ESF1: variants seen among roughly 807,000 people sequenced by gnomAD.
The protein encoded by ESF1 is ESF1 nucleolar pre-rRNA processing protein.
ESF1 carries 58 observed loss-of-function variants against 92.0 expected under a neutral mutation model. The observed-to-expected ratio is 0.63, with a 90% CI of 0.51 to 0.78. The LOEUF is 0.78. ESF1 is among the 30% of genes least tolerant of loss of function. The pLI, the probability that ESF1 is intolerant of heterozygous loss-of-function variation, is 0.00. For synonymous variants in ESF1, 321 were observed against 313.7 expected (o/e 1.02, Z -0.24); for missense variants, 922 against 989.1 (o/e 0.93, Z 0.91).
At position 13,782,672 on chromosome 20, in the gene ESF1, CCTT is replaced by C. The variant is rs1568732385; in HGVS notation, c.466_468del (p.Lys156del). 6.2e-7 allele frequency: 1 copy of C among 1,602,094 alleles called. No individual in the cohort carries two copies. Among genetic ancestry groups the C allele is most frequent in the Non-Finnish European group, 8.5e-7 (1 of 1,176,308 alleles). ...TTTTTTTGTGTAAATTCTTTGCTAT[CCTT>C]CTTCGGACTTATGTTTGAATCTATC... On this transcript the variant is annotated inframe_deletion, in exon 2 of 14. Coordinates refer to ENST00000617257, the MANE Select transcript of ESF1 (RefSeq NM_001276380.2).
intron 9 of ESF1, among the ~76,000 whole-genome samples, chr20:13,744,493 C>G (rs2147743932): frequency 6.6e-6 from 1 of 152,334 alleles, no homozygotes; most frequent in South Asian, 2.1e-4. Context: ...CCATCTCACA[C>G]AGGGTGAAAG....
intron 11 of ESF1, among the ~76,000 whole-genome samples, chr20:13,725,894 C>T (rs925496859): frequency 2.6e-5 from 4 of 152,176 alleles, no homozygotes; most frequent in South Asian, 2.1e-4. Flanking sequence ...CACAAATGGA[C>T]GTATTTACTT....
chr20:13,748,519 C>T lies in ESF1; in HGVS notation c.1828+11173G>A, dbSNP rs866820327. Among the ~76,000 whole-genome samples, 394 of 134,470 alleles carry T rather than the reference C, an allele frequency of 2.9e-3. 3 individuals are homozygous for T. The highest frequency in any genetic ancestry group is 0.01 in the African/African-American group (361 of 35,408). 88.2% of individuals were successfully genotyped at this position (134,470 alleles called of 152,430 possible). ...ATACATATATACACATATATATACA[C>T]ATATATATATACACATATATATGTG... On this transcript the variant is annotated intron_variant, in intron 9 of 13. Coordinates refer to ENST00000617257, the MANE Select transcript of ESF1 (RefSeq NM_001276380.2).
intron 8 of ESF1, among the ~76,000 whole-genome samples, chr20:13,762,313 T>G (rs541849480): frequency 6.6e-6 from 1 of 152,328 alleles, no homozygotes; most frequent in African/African-American, 2.4e-5. Flanking sequence ...TTCCTGTTTG[T>G]GCTTTGTGCC....
chr20:13,767,014 TTAACAG>T, intron 7 of ESF1, 90 bp from the exon 8 acceptor site: 1 of 1,263,904 alleles, frequency 7.9e-7, no homozygotes, highest in South Asian at 1.5e-5. Context: ...ACCTGGATGT[TTAACAG>T]TAAGTTAAAA....
chr20:13,775,778 T>C, intron 3 of ESF1, 95 bp downstream of exon 3: 1 of 1,406,000 alleles, frequency 7.1e-7, no homozygotes, highest in South Asian at 1.5e-5. Context: ...CTATTACCAA[T>C]AAGCTTTTCC....
chr20:13,730,401 T>G (rs1042866471), intron 10 of ESF1, among the ~76,000 whole-genome samples: 1 of 149,830 alleles, frequency 6.7e-6, no homozygotes, highest in Non-Finnish European at 1.5e-5. Flanking sequence ...TTTTTTTTTT[T>G]GAGACGGAGT....
intron 4 of ESF1, among the ~76,000 whole-genome samples, chr20:13,773,616 G>A (rs1325642042): frequency 2.0e-5 from 3 of 152,080 alleles, no homozygotes; most frequent in Non-Finnish European, 2.9e-5. Flanking sequence ...GTTATCATAT[G>A]AACTCTTTCT....
At chr20:13,729,584 TG>T (rs1171428815) in intron 10 of ESF1, among the ~76,000 whole-genome samples, 4 of 152,216 alleles carry the variant, frequency 2.6e-5, no homozygotes, top group Admixed American at 1.3e-4. Flanking sequence ...CTGAATTACT[TG>T]AAGTAGTGCA....
At chr20:13,775,798 A>G (rs1054398567) in intron 3 of ESF1, 75 bp downstream of exon 3, 1 of 1,489,518 alleles carries the variant, frequency 6.7e-7, no homozygotes, top group African/African-American at 1.4e-5. Flanking sequence ...CCACTTAATG[A>G]CATCAGTTCT....
rs372886464 is a variant in ESF1 at position 13,728,815 on chromosome 20, C to T, written c.1951-350G>A. Among the ~76,000 whole-genome samples the T allele has an allele frequency of 9.3e-5, 14 of 151,180 alleles. No homozygotes were observed. The East Asian group carries it at 2.1e-3, about 23-fold the overall frequency. ...CCAGGAGGAAGAGGTTGTGGTGAGC[C>T]GAGATCGTGCCACTGCACTCCAGCC... is the stretch of plus-strand genomic sequence containing the variant. On this transcript the variant is annotated intron_variant, in intron 10 of 13. Transcript: ENST00000617257.
At chr20:13,735,096 C>T (rs752500513) in intron 9 of ESF1, among the ~76,000 whole-genome samples, 46 of 152,086 alleles carry the variant, frequency 3.0e-4, no homozygotes, top group Non-Finnish European at 6.6e-4. Flanking sequence ...CAGAAGTATG[C>T]AACCCTTTCC....
At position 13,735,854 on chromosome 20, in the gene ESF1, C is replaced by G. The variant is rs144474413; in HGVS notation, c.1829-2012G>C. On this transcript the variant is annotated intron_variant, in intron 9 of 13. Coordinates refer to ENST00000617257, the MANE Select transcript of ESF1 (RefSeq NM_001276380.2). ...GCTAAGGAGGGTTCTATGTTGTTGT[C>G]TCTTAGGTGACTAGAGGACTGGGTT... Among the ~76,000 whole-genome samples, 147 of 152,214 alleles carry G rather than the reference C, an allele frequency of 9.7e-4. 1 individual carries two copies. The highest frequency in any genetic ancestry group is 3.1e-3 in the African/African-American group (129 of 41,544).
chr20:13,750,447 G>A (rs947478351), intron 9 of ESF1, among the ~76,000 whole-genome samples: 5 of 152,168 alleles, frequency 3.3e-5, no homozygotes, highest in African/African-American at 9.7e-5. Flanking sequence ...AGCGGTTGCA[G>A]TGAGCCAAGA....
rs200577352 is a variant in ESF1 at position 13,782,636 on chromosome 20, T to C, written c.505A>G (p.Lys169Glu). 56 of 1,608,080 alleles carry C rather than the reference T, an allele frequency of 3.5e-5. No homozygotes were observed. The East Asian group carries it at 1.2e-3, about 35-fold the overall frequency. ...GTAGTATGTTGAACAATGTTTTTTT[T>C]CTCTTTCTTATTTTTTTGTGTAAAT... ...KEFTQKNKKE[K>E]KNIVQHTTDS... Residue 169 changes from lysine to glutamate, a missense_variant, in exon 2 of 14, where the codon AAA (lysine) becomes GAA (glutamate). Lys to Glu is a moderately conservative substitution (Grantham distance 56, BLOSUM62 1). Transcript: ENST00000617257.
At position 13,775,876 on chromosome 20, in the gene ESF1, A is replaced by T; in HGVS notation, c.1032T>A (p.Asp344Glu). The change falls in exon 3 of 14, where the codon GAT (aspartate) becomes GAA (glutamate). Residue 344 changes from aspartate (D) to glutamate (E), a missense_variant. Transcript: ENST00000617257. ...RELDKDAPRA[D>E]EITRRLAVCN... is the part of the protein sequence containing the mutation. The stretch of plus-strand genomic sequence containing the variant: ...TCTTGTTTATTCAAAAGGTTACCTC[A>T]TCAGCACGAGGAGCATCTTTATCTA... The T allele has an allele frequency of 6.3e-7, 1 of 1,598,798 alleles. No individual in the cohort carries two copies. Among genetic ancestry groups the T allele is most frequent in the Non-Finnish European group, 8.5e-7 (1 of 1,173,370 alleles).
At position 13,784,870 on chromosome 20, in the gene ESF1, C is replaced by A; in HGVS notation, c.-44+10G>T. The A allele has an allele frequency of 8.3e-6, 5 of 603,922 alleles. No homozygotes were observed. Among genetic ancestry groups the A allele is most frequent in the Middle Eastern group, 4.4e-4 (1 of 2,274 alleles). The allele number at this position is 603,922 out of a possible 1,614,324, so 37.4% of individuals were successfully genotyped here. ...CTCGAGCTCTTCAACTCCAGTCCATCCCCACTCACCGTCCGCAGTCCTACC... is the reference window on the plus strand; with the variant it reads ...CTCGAGCTCTTCAACTCCAGTCCATACCCACTCACCGTCCGCAGTCCTACC... On this transcript the variant is annotated intron_variant, in intron 1 of 13. Coordinates refer to ENST00000617257, the MANE Select transcript of ESF1 (RefSeq NM_001276380.2).
chr20:13,739,175 T>C (rs2049995058), intron 9 of ESF1, among the ~76,000 whole-genome samples: 1 of 152,182 alleles, frequency 6.6e-6, no homozygotes, highest in African/African-American at 2.4e-5. Context: ...AAGTATGTGA[T>C]CAATGAACAC....
intron 1 of ESF1, among the ~76,000 whole-genome samples, chr20:13,783,989 G>A (rs537526186): frequency 6.6e-6 from 1 of 152,292 alleles, no homozygotes; most frequent in Admixed American, 6.5e-5. Context: ...GTTTAGCTAA[G>A]AAAGTTTCCT....
Sources: gnomAD v4.1 joint callset for allele counts (sites outside exome capture counted in the v4.1 genomes callset) on GRCh38, gnomAD v4.1.1 for gene constraint, MANE v1.5 for transcripts, NCBI Gene and HGNC (gene_info 2026-07-23, HGNC 2026-07-21) for gene names.